PLCH1: variants seen among roughly 807,000 people sequenced by gnomAD.
The protein encoded by PLCH1 is 1-phosphatidylinositol 4,5-bisphosphate phosphodiesterase eta-1.
PLCH1 carries 60 observed loss-of-function variants against 126.7 expected under a neutral mutation model. The ratio of observed to expected loss-of-function variants is 0.47; its 90% CI spans 0.38 to 0.59. PLCH1 has a LOEUF of 0.59. PLCH1 is among the 20% of genes least tolerant of loss of function. PLCH1 has a pLI of 0.00. For synonymous variants in PLCH1, 719 were observed against 734.9 expected (o/e 0.98, Z 0.35); for missense variants, 1,723 against 2,040.0 (o/e 0.84, Z 2.99).
chr3:155,560,728 T>G (rs895067444), intron 8 of PLCH1, among the ~76,000 whole-genome samples: 11 of 152,150 alleles, frequency 7.2e-5, no homozygotes, highest in Non-Finnish European at 1.6e-4. Context: ...TGCCCTGCAC[T>G]TTCCACCATG....
chr3:155,721,795 C>A (rs1747963710), intron 1 of PLCH1, among the ~76,000 whole-genome samples: 1 of 152,112 alleles, frequency 6.6e-6, no homozygotes, highest in African/African-American at 2.4e-5. Flanking sequence ...TGCTTGTAAT[C>A]CCAGCACTTT....
At chr3:155,567,783 G>T (rs1728707472) in intron 7 of PLCH1, among the ~76,000 whole-genome samples, 1 of 152,134 alleles carries the variant, frequency 6.6e-6, no homozygotes, top group Admixed American at 6.6e-5. Flanking sequence ...GTATTAATGA[G>T]ATTTGTGGTT....
At chr3:155,504,963 T>A (rs972376978) in intron 12 of PLCH1, among the ~76,000 whole-genome samples, 4 of 152,200 alleles carry the variant, frequency 2.6e-5, no homozygotes, top group African/African-American at 9.6e-5. Flanking sequence ...CAGCACAGGA[T>A]GTGTTCTTTT....
At chr3:155,514,370 G>T (rs962034481) in intron 12 of PLCH1, among the ~76,000 whole-genome samples, 1 of 152,104 alleles carries the variant, frequency 6.6e-6, no homozygotes, top group African/African-American at 2.4e-5. Context: ...AAAAACAGGT[G>T]GTAAGTAGCA....
Position 155,458,480 on chromosome 3 carries a change from AAGAAAGAAAGAAAGAAAG to A in PLCH1, c.2938+26858_2938+26875del, listed in dbSNP as rs1166213386. On this transcript the variant is annotated intron_variant, in intron 21 of 21. Transcript: ENST00000494598. ...AAAGAAAGAAAGAAAGAAAGAAAGA[AAGAAAGAAAGAAAGAAAG>A]AGAAAGAAGAGAGAGAAATAAGAAA... Among the ~76,000 whole-genome samples, 383 of 111,226 alleles carry A rather than the reference AAGAAAGAAAGAAAGAAAG, an allele frequency of 3.4e-3. 35 individuals carry two copies. Among genetic ancestry groups the A allele is most frequent in the African/African-American group, 0.025 (348 of 13,650 alleles). The allele number at this position is 111,226 out of a possible 152,430, so 73.0% of individuals were successfully genotyped here.
At chr3:155,468,226 T>G (rs1016775361) in intron 21 of PLCH1, among the ~76,000 whole-genome samples, 1 of 152,154 alleles carries the variant, frequency 6.6e-6, no homozygotes, top group Non-Finnish European at 1.5e-5. Flanking sequence ...AGCCTCATGG[T>G]AACCTCAAAG....
At chr3:155,575,691 GAC>G (rs1729847462) in intron 6 of PLCH1, among the ~76,000 whole-genome samples, 1 of 152,098 alleles carries the variant, frequency 6.6e-6, no homozygotes, top group Admixed American at 6.5e-5. Context: ...TCATTTTAGA[GAC>G]AGAGTCTTGC....
intron 2 of PLCH1, among the ~76,000 whole-genome samples, chr3:155,702,257 G>A (rs898361319): frequency 2.0e-5 from 3 of 152,164 alleles, no homozygotes; most frequent in African/African-American, 4.8e-5. Context: ...GAAAGATTAC[G>A]TAACTTGTCC....
At chr3:155,518,190 A>G (rs1405723622) in intron 11 of PLCH1, among the ~76,000 whole-genome samples, 2 of 152,224 alleles carry the variant, frequency 1.3e-5, no homozygotes, top group Admixed American at 6.5e-5. Context: ...GAATTTTTCA[A>G]TCAATATTTT....
At chr3:155,582,075 C>CTTTTTTTTTTTTTTTTT (rs869254665) in intron 6 of PLCH1, among the ~76,000 whole-genome samples, 3 of 64,120 alleles carry the variant, frequency 4.7e-5, no homozygotes, top group African/African-American at 6.2e-5. Context: ...TCTTTTCTTT[C>CTTTTTTTTTTTTTTTTT]TTTTTTTTTT....
At chr3:155,553,366 C>T in intron 9 of PLCH1, among the ~76,000 whole-genome samples, 1 of 152,152 alleles carries the variant, frequency 6.6e-6, no homozygotes. Context: ...ATCCACCCTC[C>T]TCAGCCTCCC....
intron 2 of PLCH1, among the ~76,000 whole-genome samples, chr3:155,679,585 C>T (rs1205560457): frequency 2.0e-5 from 3 of 152,196 alleles, no homozygotes; most frequent in South Asian, 2.1e-4. Flanking sequence ...CACACCCCAA[C>T]CTCACCAGTC....
At chr3:155,576,186 G>C (rs560519112) in intron 6 of PLCH1, among the ~76,000 whole-genome samples, 2 of 152,266 alleles carry the variant, frequency 1.3e-5, no homozygotes, top group South Asian at 4.1e-4. Context: ...GGAGATGTAG[G>C]TGGTTGTTTG....
Position 155,482,054 on chromosome 3 carries a change from GC to G in PLCH1, c.3971del (p.Ser1324ThrfsTer8). 6.2e-7 allele frequency: 1 copy of G among 1,614,176 alleles called. No homozygotes were observed. The highest frequency in any genetic ancestry group is 8.5e-7 in the Non-Finnish European group (1 of 1,180,010). On this transcript the variant is annotated frameshift_variant, in exon 23 of 23. Coordinates refer to ENST00000460012, the MANE Select transcript of PLCH1 (RefSeq NM_014996.4). LOFTEE classifies it low-confidence loss of function (END_TRUNC). ...GGGTCAAATCAGGGGAAGAGGCAGG[GC>G]TGCAGCTCTTCAGTGTTTCCCAGTC... is the stretch of plus-strand genomic sequence containing the variant. Reference protein sequence around the residue: ...GEDWETLKSCSPASSPDLTLE... With the variant: ...GEDWETLKSCXPASSPDLTLE...
intron 9 of PLCH1, among the ~76,000 whole-genome samples, chr3:155,553,131 C>A (rs899422394): frequency 8.6e-5 from 13 of 151,926 alleles, no homozygotes; most frequent in African/African-American, 3.1e-4. Flanking sequence ...TTTTATTTTT[C>A]TGAGATGGAG....
chr3:155,481,768 T>G lies in PLCH1; in HGVS notation c.4258A>C (p.Lys1420Gln). ...GCTAGATAAGAAATACTTTGAGTTT[T>G]GACATCTTGAATATTGTTGAATATT... ...PEIFNNIQDV[K>Q]TQSISYLAYQ... The change falls in exon 23 of 23, where the codon AAA (lysine) becomes CAA (glutamine). Residue 1420 changes from lysine (K) to glutamine (Q), a missense_variant. Physicochemically the swap from Lys to Gln is moderately conservative, Grantham distance 53 (BLOSUM62 1). Transcript: ENST00000460012. This position sits in a 1 kb window ranked among gnomAD's most constrained non-coding sequence, Gnocchi z 4.2. 1 of 1,614,204 alleles carries G rather than the reference T, an allele frequency of 6.2e-7. No homozygotes were observed. Among genetic ancestry groups the G allele is most frequent in the Non-Finnish European group, 8.5e-7 (1 of 1,180,022 alleles).
intron 2 of PLCH1, 66 bp from the exon 3 acceptor site, chr3:155,596,444 T>C: frequency 1.5e-6 from 2 of 1,365,684 alleles, no homozygotes; most frequent in Non-Finnish European, 2.0e-6. Context: ...GTCCAGGTTT[T>C]AGAGTCAAAT....
At chr3:155,473,480 C>T (rs1176045273) in intron 21 of PLCH1, among the ~76,000 whole-genome samples, 3 of 150,984 alleles carry the variant, frequency 2.0e-5, no homozygotes, top group East Asian at 2.0e-4. Flanking sequence ...GAATCAATAT[C>T]GTGAAAATGG....
At chr3:155,564,814 G>A in intron 8 of PLCH1, 101 bp downstream of exon 8, 1 of 710,378 alleles carries the variant, frequency 1.4e-6, no homozygotes, top group Non-Finnish European at 2.5e-6. Flanking sequence ...TAATTAGTGT[G>A]AGAGTGTGTT....
Sources: allele counts gnomAD v4.1 joint callset (sites outside exome capture counted in the v4.1 genomes callset), GRCh38; gene constraint gnomAD v4.1.1; non-coding constraint Gnocchi (gnomAD v3.1); transcripts MANE v1.5; gene names NCBI Gene and HGNC (gene_info 2026-07-23, HGNC 2026-07-21).